EPB41L1: variants seen among roughly 807,000 people sequenced by gnomAD.
The protein encoded by EPB41L1 is band 4.1-like protein 1.
Under a neutral mutation model 97.8 loss-of-function variants are expected in EPB41L1, and 29 were observed. That is an observed-to-expected ratio of 0.30 (90% CI 0.22 to 0.40). The LOEUF is 0.40. Ranked by LOEUF, EPB41L1 falls within the 10% of genes least tolerant of loss-of-function variation. EPB41L1 has a pLI of 1.00. For missense variants in EPB41L1, 812 were observed against 1,162.3 expected (o/e 0.70, Z 4.38); for synonymous variants, 383 against 459.2 (o/e 0.83, Z 2.12).
At chr20:36,171,683 G>T (rs886270387) in intron 1 of EPB41L1, among the ~76,000 whole-genome samples, 3 of 152,164 alleles carry the variant, frequency 2.0e-5, no homozygotes, top group Non-Finnish European at 2.9e-5. Flanking sequence ...TTTGGGCTGG[G>T]CTGATGTCCA....
At chr20:36,124,534 G>A (rs1050022481) in intron 2 of EPB41L1, among the ~76,000 whole-genome samples, 2 of 152,120 alleles carry the variant, frequency 1.3e-5, no homozygotes, top group African/African-American at 4.8e-5. Context: ...CACATGCTTA[G>A]GTTCCCTCTG....
intron 2 of EPB41L1, among the ~76,000 whole-genome samples, chr20:36,146,293 T>TG (rs1163203228): frequency 4.6e-5 from 7 of 152,232 alleles, no homozygotes; most frequent in African/African-American, 7.2e-5. Context: ...ACCTTTGTAC[T>TG]GGCACACTGG....
chr20:36,098,160 G>A (rs1414480565), intron 1 of EPB41L1, among the ~76,000 whole-genome samples: 2 of 152,128 alleles, frequency 1.3e-5, no homozygotes, highest in Non-Finnish European at 2.9e-5. Context: ...CTGGTTTCAC[G>A]ACAGCCTGGC....
Position 36,207,546 on chromosome 20 carries a change from C to T in EPB41L1, c.1669-1942C>T, listed in dbSNP as rs564234259. 6 of 1,289,880 alleles carry T rather than the reference C, an allele frequency of 4.7e-6. No individual in the cohort carries two copies. Among genetic ancestry groups the T allele is most frequent in the South Asian group, 1.2e-5 (1 of 81,028 alleles). 79.9% of individuals were successfully genotyped at this position (1,289,880 alleles called of 1,614,324 possible). A position where few individuals can be genotyped will look rare whatever the true frequency, so the allele number is the denominator to read the frequency against. On this transcript the variant is annotated intron_variant, in intron 14 of 21. Coordinates refer to ENST00000338074, the MANE Select transcript of EPB41L1 (RefSeq NM_012156.2). The surrounding 1 kb of genome is among the most constrained non-coding windows in gnomAD (Gnocchi z 4.9). ...CAAATGACGTATCTTCAGAGGCACC[C>T]GTGGGACAAGCAGAGCAGCAGCGGA...
chr20:36,113,410 G>C (rs1234995210), intron 2 of EPB41L1, among the ~76,000 whole-genome samples: 4 of 28,044 alleles, frequency 1.4e-4, no homozygotes, highest in Non-Finnish European at 2.1e-4. Context: ...CTTTCCATTT[G>C]TGTGTGTGTG....
intron 5 of EPB41L1, 75 bp downstream of exon 5, chr20:36,178,747 T>A: frequency 6.8e-7 from 1 of 1,462,720 alleles, no homozygotes; most frequent in Non-Finnish European, 9.6e-7. Flanking sequence ...CTTGTACTGC[T>A]CTCTCCTCCT....
intron 18 of EPB41L1, 48 bp from the exon 19 acceptor site, chr20:36,219,713 C>T: frequency 6.4e-7 from 1 of 1,568,334 alleles, no homozygotes; most frequent in South Asian, 1.1e-5. Flanking sequence ...CTCCAGAGCC[C>T]ACTGTCCTTA....
At chr20:36,188,597 C>CACAT in intron 9 of EPB41L1, 98 bp downstream of exon 9, 1 of 495,574 alleles carries the variant, frequency 2.0e-6, no homozygotes, top group Middle Eastern at 5.8e-4. Context: ...CACACACACA[C>CACAT]ACACACACAC....
intron 7 of EPB41L1, among the ~76,000 whole-genome samples, chr20:36,186,358 G>T (rs2061683033): frequency 6.6e-6 from 1 of 152,170 alleles, no homozygotes; most frequent in South Asian, 2.1e-4. Context: ...GGAGTATGGT[G>T]ATATTGTCTC....
At chr20:36,149,367 T>C (rs528874537) in intron 2 of EPB41L1, among the ~76,000 whole-genome samples, 1 of 152,320 alleles carries the variant, frequency 6.6e-6, no homozygotes, top group East Asian at 1.9e-4. Flanking sequence ...ATCCTCATCA[T>C]TCCACACTAG....
At chr20:36,174,236 C>T (rs2061123801) in intron 2 of EPB41L1, among the ~76,000 whole-genome samples, 1 of 151,984 alleles carries the variant, frequency 6.6e-6, no homozygotes. Context: ...AACAGGCGTG[C>T]ACCACCGCAC....
chr20:36,173,783 A>C lies in EPB41L1; in HGVS notation c.6A>C (p.Thr2=), dbSNP rs1327009778. 4 of 1,613,990 alleles carry C rather than the reference A, an allele frequency of 2.5e-6. No individual in the cohort carries two copies. Among genetic ancestry groups the C allele is most frequent in the Non-Finnish European group, 3.4e-6 (4 of 1,180,012 alleles). Residue 2 remains threonine, a synonymous_variant, in exon 2 of 22, where the codon ACA becomes ACC. Coordinates refer to ENST00000338074, the MANE Select transcript of EPB41L1 (RefSeq NM_012156.2). M[T]TETGPDSEVK... is the part of the protein sequence containing the mutation. ...ATGCAGGCGTGCTGGTCACCATGAC[A>C]ACAGAGACAGGCCCCGACTCTGAGG...
intron 7 of EPB41L1, among the ~76,000 whole-genome samples, chr20:36,186,999 C>T (rs145901387): frequency 2.6e-5 from 4 of 152,192 alleles, no homozygotes; most frequent in South Asian, 2.1e-4. Context: ...GTCTCTGTGC[C>T]GGTTTTTTCA....
chr20:36,116,379 G>T (rs1176427785), intron 2 of EPB41L1, among the ~76,000 whole-genome samples: 5 of 152,120 alleles, frequency 3.3e-5, no homozygotes, highest in African/African-American at 9.7e-5. Context: ...CCCCACAGAA[G>T]GTGCCTTCTT....
chr20:36,159,828 T>C (rs775795030), intron 1 of EPB41L1, among the ~76,000 whole-genome samples: 2 of 152,254 alleles, frequency 1.3e-5, no homozygotes, highest in South Asian at 4.1e-4. Context: ...TTAAGTCTTC[T>C]TTCTGTTTTT....
intron 5 of EPB41L1, among the ~76,000 whole-genome samples, chr20:36,180,732 C>A (rs903360299): frequency 2.6e-5 from 4 of 152,170 alleles, no homozygotes; most frequent in African/African-American, 9.7e-5. Context: ...AGAATGGTGC[C>A]TGCACACAGT....
At chr20:36,135,735 G>C (rs911290101) in intron 2 of EPB41L1, among the ~76,000 whole-genome samples, 3 of 152,152 alleles carry the variant, frequency 2.0e-5, no homozygotes, top group Non-Finnish European at 4.4e-5. Flanking sequence ...GAAAGTTGCT[G>C]TCTCTGCCTG....
chr20:36,145,230 A>G (rs886697507), intron 2 of EPB41L1, among the ~76,000 whole-genome samples: 4 of 151,972 alleles, frequency 2.6e-5, no homozygotes, highest in Non-Finnish European at 4.4e-5. Context: ...CTCTACTAAA[A>G]ATACAAAAAA....
At chr20:36,099,540 T>G (rs2057942165) in intron 1 of EPB41L1, among the ~76,000 whole-genome samples, 1 of 152,164 alleles carries the variant, frequency 6.6e-6, no homozygotes, top group Non-Finnish European at 1.5e-5. Context: ...TCATATCCGC[T>G]GCATTCTCCT....
Sources: allele counts gnomAD v4.1 joint callset (sites outside exome capture counted in the v4.1 genomes callset), GRCh38; gene constraint gnomAD v4.1.1; non-coding constraint Gnocchi (gnomAD v3.1); transcripts MANE v1.5; gene names NCBI Gene and HGNC (gene_info 2026-07-23, HGNC 2026-07-21).